HYAL4: variants seen among roughly 807,000 people sequenced by gnomAD.
HYAL4 encodes the protein hyaluronidase-4.
Under a neutral mutation model 35.2 loss-of-function variants are expected in HYAL4, and 37 were observed. That is an observed-to-expected ratio of 1.05 (90% CI 0.81 to 1.38). HYAL4 has a LOEUF of 1.38. Among genes scored for constraint, HYAL4 ranks in the 40% most tolerant of loss-of-function variants. The pLI is 0.00. For synonymous variants in HYAL4, 198 were observed against 203.2 expected, an observed-to-expected ratio of 0.97 and a Z score of 0.22; for missense variants, 572 against 572.4, an observed-to-expected ratio of 1.00 and a Z score of 0.01.
chr7:123,804,793 C>G, the HYAL4 span, among the ~76,000 whole-genome samples: 1 of 152,212 alleles, frequency 6.6e-6, no homozygotes, highest in African/African-American at 2.4e-5. Flanking sequence ...TCTTTACAAA[C>G]TTTGGCTATA....
chr7:123,818,756 A>G, the HYAL4 span, among the ~76,000 whole-genome samples: 6 of 152,066 alleles, frequency 3.9e-5, no homozygotes, highest in Non-Finnish European at 7.4e-5. Context: ...TATTTTTTGT[A>G]TGATAGCTTT....
At chr7:123,793,394 A>T in the HYAL4 span, among the ~76,000 whole-genome samples, 3 of 152,230 alleles carry the variant, frequency 2.0e-5, no homozygotes, top group Non-Finnish European at 4.4e-5. Flanking sequence ...GGGTCATGTT[A>T]TTATATAGAA....
chr7:123,864,299 T>G (rs145693524), intron 2 of HYAL4, among the ~76,000 whole-genome samples: 254 of 152,276 alleles, frequency 1.7e-3, no homozygotes, highest in Non-Finnish European at 2.2e-3. Flanking sequence ...GTTTCCTTGT[T>G]GAAGGAAAGG....
intron 1 of HYAL4, among the ~76,000 whole-genome samples, chr7:123,831,761 G>A (rs1805886440): frequency 6.6e-6 from 1 of 152,170 alleles, no homozygotes; most frequent in African/African-American, 2.4e-5. Context: ...TACTCAACAG[G>A]ATTATTTCAT....
chr7:123,807,962 A>G, the HYAL4 span, among the ~76,000 whole-genome samples: 3 of 108,170 alleles, frequency 2.8e-5, no homozygotes, highest in East Asian at 7.9e-4. Flanking sequence ...TTTTGTAGAG[A>G]CAGACTCCCA....
At chr7:123,865,761 T>G (rs1255152977) in intron 2 of HYAL4, among the ~76,000 whole-genome samples, 1 of 152,216 alleles carries the variant, frequency 6.6e-6, no homozygotes, top group Non-Finnish European at 1.5e-5. Context: ...CAGGCTTTAC[T>G]ACAAGCCACA....
At chr7:123,771,516 A>G in the HYAL4 span, among the ~76,000 whole-genome samples, 1 of 152,162 alleles carries the variant, frequency 6.6e-6, no homozygotes, top group African/African-American at 2.4e-5. Flanking sequence ...TATTCTCTTC[A>G]GCTCATCATT....
chr7:123,795,760 G>A, the HYAL4 span, among the ~76,000 whole-genome samples: 1 of 152,168 alleles, frequency 6.6e-6, no homozygotes, highest in Non-Finnish European at 1.5e-5. Flanking sequence ...CATGAGAACA[G>A]ACTAATATAC....
chr7:123,815,099 T>C, the HYAL4 span: 3 of 152,644 alleles, frequency 2.0e-5, no homozygotes, highest in African/African-American at 7.2e-5. Flanking sequence ...ATATAAAGCC[T>C]ATACATAAAT....
intron 1 of HYAL4, among the ~76,000 whole-genome samples, chr7:123,833,812 A>T (rs948068319): frequency 5.9e-5 from 9 of 152,062 alleles, no homozygotes; most frequent in Non-Finnish European, 1.3e-4. Context: ...TGACTTGCCA[A>T]TTATCCCAGC....
At chr7:123,763,950 G>A in the HYAL4 span, among the ~76,000 whole-genome samples, 1 of 152,256 alleles carries the variant, frequency 6.6e-6, no homozygotes, top group South Asian at 2.1e-4. Context: ...GTTTCCCCCA[G>A]TGTGTCTCTC....
chr7:123,779,682 C>T, the HYAL4 span, among the ~76,000 whole-genome samples: 4 of 151,972 alleles, frequency 2.6e-5, no homozygotes, highest in South Asian at 8.3e-4. Context: ...AAATTTTCAT[C>T]TCTAGGTAAA....
intron 2 of HYAL4, among the ~76,000 whole-genome samples, chr7:123,854,842 T>TA (rs1806395175): frequency 3.3e-5 from 5 of 152,180 alleles, no homozygotes; most frequent in Admixed American, 2.0e-4. Flanking sequence ...CCCACTATTA[T>TA]TGTGTGGGAG....
chr7:123,866,136 C>T (rs1806681922), intron 2 of HYAL4, among the ~76,000 whole-genome samples: 1 of 152,154 alleles, frequency 6.6e-6, no homozygotes, highest in Admixed American at 6.5e-5. Context: ...ACAGCCAAAC[C>T]ATATCACTTC....
At chr7:123,841,968 A>G (rs560853451), upstream of HYAL4, among the ~76,000 whole-genome samples, 1 of 151,904 alleles carries the variant, frequency 6.6e-6, no homozygotes, top group East Asian at 1.9e-4. Context: ...GATTTTTTTG[A>G]AGGATTTTTT....
chr7:123,774,336 C>G, the HYAL4 span, among the ~76,000 whole-genome samples: 1 of 152,192 alleles, frequency 6.6e-6, no homozygotes, highest in Non-Finnish European at 1.5e-5. Context: ...ACCACCATGC[C>G]TGGTCACATG....
chr7:123,819,346 C>T, the HYAL4 span: 1 of 152,538 alleles, frequency 6.6e-6, no homozygotes, highest in Non-Finnish European at 1.5e-5. Context: ...TCTAGGAGGA[C>T]TTAGTGCATG....
the HYAL4 span, among the ~76,000 whole-genome samples, chr7:123,796,813 ATAT>A: frequency 6.6e-6 from 1 of 152,262 alleles, no homozygotes; most frequent in Non-Finnish European, 1.5e-5. Flanking sequence ...AACCTTGAAA[ATAT>A]TATATCAAGT....
At chr7:123,835,942 C>T (rs1805958097) in intron 1 of HYAL4, among the ~76,000 whole-genome samples, 1 of 152,110 alleles carries the variant, frequency 6.6e-6, no homozygotes, top group African/African-American at 2.4e-5. Context: ...TGAGACACTA[C>T]TTGATATGAT....
Sources: gnomAD v4.1 joint callset for allele counts (sites outside exome capture counted in the v4.1 genomes callset) on GRCh38, gnomAD v4.1.1 for gene constraint, MANE v1.5 for transcripts, NCBI Gene and HGNC (gene_info 2026-07-23, HGNC 2026-07-21) for gene names.